The following ADAMTS17 variants were observed in gnomAD, a reference collection of about 807,000 sequenced individuals.
ADAMTS17 encodes the protein A disintegrin and metalloproteinase with thrombospondin motifs 17.
ADAMTS17 carries 113 observed loss-of-function variants against 141.5 expected under a neutral mutation model. The observed-to-expected ratio is 0.80, with a 90% CI of 0.69 to 0.93. ADAMTS17 has a LOEUF of 0.93. Ranked by LOEUF, ADAMTS17 falls within the 40% of genes least tolerant of loss-of-function variation. The pLI, the probability that ADAMTS17 is intolerant of heterozygous loss-of-function variation, is 0.00. For missense variants in ADAMTS17, 1,659 were observed against 1,517.9 expected (o/e 1.09, Z -1.54); for synonymous variants, 768 against 630.6 (o/e 1.22, Z -3.27).
chr15:99,986,243 G>A (rs903813678), intron 20 of ADAMTS17, among the ~76,000 whole-genome samples: 5 of 152,186 alleles, frequency 3.3e-5, no homozygotes, highest in Admixed American at 6.5e-5. Flanking sequence ...CTACCCTCTC[G>A]CGTGATACAA....
chr15:99,993,397 AGTG>A lies in ADAMTS17; in HGVS notation c.2797-200_2797-198del, dbSNP rs2060730954. Among the ~76,000 whole-genome samples the A allele has an allele frequency of 6.6e-6, 1 of 152,146 alleles. No homozygotes were observed. Among genetic ancestry groups the A allele is most frequent in the Non-Finnish European group, 1.5e-5 (1 of 68,026 alleles). On this transcript the variant is annotated intron_variant, in intron 19 of 21. Transcript: ENST00000268070. This position sits in a 1 kb window ranked among gnomAD's most constrained non-coding sequence, Gnocchi z 4.3. ...CAGCTGGGGCCCCAGCCGAGTGGCC[AGTG>A]TTGTGGAAGGGACCTAGGAATCAGG...
Position 100,053,986 on chromosome 15 carries a change from T to C in ADAMTS17, c.2206A>G (p.Ile736Val). 1 of 1,614,164 alleles carries C rather than the reference T, an allele frequency of 6.2e-7. No individual in the cohort carries two copies. The highest frequency in any genetic ancestry group is 1.7e-5 in the Admixed American group (1 of 60,032). ...ACATAGCGAACAGTTGTGCCTGCAA[T>C]CTGGAACTCTCCGGGGAGCTCTATC... ...WKIELPGEFQIAGTTVRYVRR... is the reference protein window; with the variant it reads ...WKIELPGEFQVAGTTVRYVRR... The change falls in exon 16 of 22, where the codon ATT (isoleucine) becomes GTT (valine). Residue 736 changes from isoleucine (I) to valine (V), a missense_variant. Coordinates refer to ENST00000268070, the MANE Select transcript of ADAMTS17 (RefSeq NM_139057.4).
intron 12 of ADAMTS17, among the ~76,000 whole-genome samples, chr15:100,117,850 G>C (rs1281345684): frequency 3.9e-5 from 6 of 152,098 alleles, no homozygotes; most frequent in Non-Finnish European, 7.4e-5. Context: ...ACTTTTTATT[G>C]AAATTCAGTC....
At chr15:100,027,648 A>C (rs1202245769) in intron 18 of ADAMTS17, among the ~76,000 whole-genome samples, 1 of 152,256 alleles carries the variant, frequency 6.6e-6, no homozygotes, top group Admixed American at 6.5e-5. Context: ...TGTAAAGCCT[A>C]AAATATTTAA....
chr15:100,267,294 G>A (rs369651388), intron 4 of ADAMTS17, among the ~76,000 whole-genome samples: 9 of 152,038 alleles, frequency 5.9e-5, no homozygotes, highest in South Asian at 4.2e-4. Context: ...ATGCTGTGGC[G>A]TGTGTGGGAA....
At chr15:100,182,424 T>G (rs546804975) in intron 8 of ADAMTS17, among the ~76,000 whole-genome samples, 1 of 152,262 alleles carries the variant, frequency 6.6e-6, no homozygotes, top group African/African-American at 2.4e-5. Context: ...ATCCAAACCA[T>G]ATCACACTGT....
At chr15:100,259,618 C>A (rs2043446831) in intron 6 of ADAMTS17, among the ~76,000 whole-genome samples, 1 of 152,202 alleles carries the variant, frequency 6.6e-6, no homozygotes, top group Admixed American at 6.5e-5. Context: ...TCTAAAATGT[C>A]TCTTCAATAA....
chr15:100,219,231 G>T (rs2042059657), intron 7 of ADAMTS17, among the ~76,000 whole-genome samples: 1 of 152,126 alleles, frequency 6.6e-6, no homozygotes, highest in African/African-American at 2.4e-5. Flanking sequence ...CGAGTACAGG[G>T]TTTATTTCTG....
rs2032872212 is a variant in ADAMTS17 at position 100,058,816 on chromosome 15, A to G, written c.2138-4762T>C. 2.0e-5 allele frequency among the ~76,000 whole-genome samples: 3 copies of G among 152,196 alleles called. No individual in the cohort carries two copies. In the South Asian group the frequency reaches 6.2e-4, roughly 32 times the overall value. On this transcript the variant is annotated intron_variant, in intron 15 of 21. Transcript: ENST00000268070. ...GGAAGAGGGCTACTGGAGGCCACGG[A>G]GGAGTCACTGGGTATGGTCAAGGAA...
At chr15:99,981,214 T>G (rs542441001) in intron 20 of ADAMTS17, among the ~76,000 whole-genome samples, 2 of 152,332 alleles carry the variant, frequency 1.3e-5, no homozygotes, top group African/African-American at 4.8e-5. Flanking sequence ...TTACTCATTA[T>G]CTTTCCTAGC....
At chr15:100,298,309 A>C (rs2044897051) in intron 3 of ADAMTS17, among the ~76,000 whole-genome samples, 1 of 152,100 alleles carries the variant, frequency 6.6e-6, no homozygotes, top group African/African-American at 2.4e-5. Context: ...GCCACATTTG[A>C]GGATGTCAGC....
chr15:99,985,122 G>A (rs544146870), intron 20 of ADAMTS17, among the ~76,000 whole-genome samples: 3 of 152,370 alleles, frequency 2.0e-5, no homozygotes, highest in South Asian at 2.1e-4. Context: ...TGTAAAGCAC[G>A]GATGGCCCAG....
chr15:100,012,380 T>C (rs2061204432), intron 18 of ADAMTS17, among the ~76,000 whole-genome samples: 1 of 152,234 alleles, frequency 6.6e-6, no homozygotes, highest in African/African-American at 2.4e-5. Flanking sequence ...AGAAGCTCTT[T>C]AGTTTAATTA....
Position 99,993,622 on chromosome 15 carries a change from C to A in ADAMTS17, c.2797-422G>T, listed in dbSNP as rs567847479. Among the ~76,000 whole-genome samples the A allele has an allele frequency of 7.0e-4, 107 of 152,318 alleles. No individual in the cohort carries two copies. The highest frequency in any genetic ancestry group is 2.2e-3 in the African/African-American group (91 of 41,570). ...GCTGAGTCCCAGGCCCCAGATCTTT[C>A]CAGCTGGCCTCCAGGTGCACATGCT... On this transcript the variant is annotated intron_variant, in intron 19 of 21. Coordinates refer to ENST00000268070, the MANE Select transcript of ADAMTS17 (RefSeq NM_139057.4). The surrounding 1 kb of genome is among the most constrained non-coding windows in gnomAD (Gnocchi z 4.3).
Position 99,982,876 on chromosome 15 carries a change from G to C in ADAMTS17, c.2950-6654C>G, listed in dbSNP as rs142877187. ...GAGCTGGCTGCCCGGTGGAGAGGCA[G>C]CCTCTGCATCTGTCCACCACCCTTC... is the stretch of plus-strand genomic sequence containing the variant. On this transcript the variant is annotated intron_variant, in intron 20 of 21. Transcript: ENST00000268070. Among the ~76,000 whole-genome samples the C allele has an allele frequency of 8.8e-3, 1,347 of 152,320 alleles. 20 individuals are homozygous for C. The highest frequency in any genetic ancestry group is 0.027 in the African/African-American group (1,105 of 41,576).
rs142108260 is a variant in ADAMTS17 at position 100,109,092 on chromosome 15, G to A, written c.1913C>T (p.Ser638Leu). 26 of 1,613,320 alleles carry A rather than the reference G, an allele frequency of 1.6e-5. No homozygotes were observed. The African/African-American group carries it at 2.1e-4, about 13-fold the overall frequency. The change falls in exon 14 of 22, where the codon TCG (serine) becomes TTG (leucine). Residue 638 changes from serine (S) to leucine (L), a missense_variant. Physicochemically the swap from Ser to Leu is moderately radical, Grantham distance 145. Transcript: ENST00000268070. ...VDDKPCELYC[S>L]PLGKESPLLV... ...CAGTGGGGACTCCTTCCCGAGGGGC[G>A]AGCAGTAGAGTTCACATGGCTTATC... is the stretch of plus-strand genomic sequence containing the variant.
intron 4 of ADAMTS17, among the ~76,000 whole-genome samples, chr15:100,269,049 A>G (rs1049332091): frequency 3.9e-5 from 6 of 152,194 alleles, no homozygotes; most frequent in African/African-American, 1.4e-4. Context: ...TCCCCACTCA[A>G]TAAATGGTGC....
rs528536037 is a variant in ADAMTS17 at position 100,033,591 on chromosome 15, G to C, written c.2591+15266C>G. Reference sequence around the variant, plus strand: ...TCTTCCTTCTTCTGGTGAGAGGTGAGAACACCTCGGTTTTCTTTACCATGC... The same window carrying C: ...TCTTCCTTCTTCTGGTGAGAGGTGACAACACCTCGGTTTTCTTTACCATGC... On this transcript the variant is annotated intron_variant, in intron 18 of 21. Coordinates refer to ENST00000268070, the MANE Select transcript of ADAMTS17 (RefSeq NM_139057.4). Among the ~76,000 whole-genome samples, 5 of 152,164 alleles carry C rather than the reference G, an allele frequency of 3.3e-5. No homozygotes were observed. The East Asian group carries it at 5.8e-4, about 18-fold the overall frequency.
rs181771634 is a variant in ADAMTS17 at position 100,254,379 on chromosome 15, A to G, written c.1032-200T>C. Among the ~76,000 whole-genome samples the G allele has an allele frequency of 6.4e-4, 97 of 152,314 alleles. 1 individual carries two copies. Among genetic ancestry groups the G allele is most frequent in the East Asian group, 6.4e-3 (33 of 5,188 alleles). On this transcript the variant is annotated intron_variant, in intron 6 of 21. Coordinates refer to ENST00000268070, the MANE Select transcript of ADAMTS17 (RefSeq NM_139057.4). ...CCCGGGGTAGGTCCACTTACCCCAC[A>G]TGAGAACCTTCTTTTACAGATGAAC...
Sources: allele counts gnomAD v4.1 joint callset (sites outside exome capture counted in the v4.1 genomes callset), GRCh38; gene constraint gnomAD v4.1.1; non-coding constraint Gnocchi (gnomAD v3.1); transcripts MANE v1.5; gene names NCBI Gene and HGNC (gene_info 2026-07-23, HGNC 2026-07-21).